MGME1: variants seen among roughly 807,000 people sequenced by gnomAD.
MGME1 encodes chromosome 20 open reading frame 72.
A neutral mutation model predicts 33.0 loss-of-function variants in MGME1; 22 were observed. The observed-to-expected ratio is 0.67, with a 90% CI of 0.48 to 0.95. The LOEUF is 0.95. Ranked by LOEUF, MGME1 falls within the 40% of genes least tolerant of loss-of-function variation. MGME1 has a pLI of 0.00. For missense variants in MGME1, 383 were observed against 397.8 expected, an observed-to-expected ratio of 0.96 and a Z score of 0.32; for synonymous variants, 133 against 144.0, an observed-to-expected ratio of 0.92 and a Z score of 0.55.
upstream of MGME1, chr20:17,968,797 C>G (rs974979019): frequency 7.4e-6 from 2 of 271,234 alleles, no homozygotes; most frequent in African/African-American, 2.2e-5. Context: ...AGAGAAAGAC[C>G]GCGTTTCGGT....
Position 17,975,824 on chromosome 20 carries a change from G to A in MGME1, c.652G>A (p.Gly218Arg), listed in dbSNP as rs1480258517. ...SVQHILKDVSGVRALESAVQH... is the reference protein window; with the variant it reads ...SVQHILKDVSRVRALESAVQH... ...CCAGCATATTCTGAAAGATGTCAGTGGAGTGCGAGCTCTTGAAAGTGCTGT... is the reference window on the plus strand; with the variant it reads ...CCAGCATATTCTGAAAGATGTCAGTAGAGTGCGAGCTCTTGAAAGTGCTGT... The change falls in exon 3 of 5, where the codon GGA becomes AGA. Residue 218 changes from glycine to arginine, a missense_variant. By Grantham distance (125) the Gly-to-Arg change is moderately radical. Transcript: ENST00000377710. 2 of 1,614,038 alleles carry A rather than the reference G, an allele frequency of 1.2e-6. No homozygotes were observed. Among genetic ancestry groups the A allele is most frequent in the Non-Finnish European group, 1.7e-6 (2 of 1,180,016 alleles).
At position 17,970,024 on chromosome 20, in the gene MGME1, A is replaced by C. The variant is rs536457611; in HGVS notation, c.165A>C (p.Leu55Phe). 15 of 1,614,068 alleles carry C rather than the reference A, an allele frequency of 9.3e-6. No individual in the cohort carries two copies. In the Admixed American group the frequency reaches 2.3e-4, roughly 25 times the overall value. Residue 55 changes from leucine (L) to phenylalanine (F), a missense_variant, in exon 2 of 5, where the codon TTA becomes TTC. By Grantham distance (22) the Leu-to-Phe change is conservative. Coordinates refer to ENST00000377710, the MANE Select transcript of MGME1 (RefSeq NM_052865.4). ...EEVDQEKYSN[L>F]VQSVLSSRGV... ...TGGACCAAGAAAAATACTCTAATTT[A>C]GTTCAGTCTGTCTTGTCATCCAGAG... is the stretch of plus-strand genomic sequence containing the variant.
At chr20:17,968,944 C>G (rs1205621454), upstream of MGME1, 1 of 156,110 alleles carries the variant, frequency 6.4e-6, no homozygotes, top group African/African-American at 2.4e-5. Context: ...CGGAGAGGTA[C>G]TCCCTGCCTC....
At position 17,970,233 on chromosome 20, in the gene MGME1, T is replaced by C; in HGVS notation, c.374T>C (p.Leu125Ser). The change falls in exon 2 of 5, where the codon TTG (leucine) becomes TCG (serine). Residue 125 changes from leucine to serine, a missense_variant. By Grantham distance (145) the Leu-to-Ser change is moderately radical (BLOSUM62 -2). Coordinates refer to ENST00000377710, the MANE Select transcript of MGME1 (RefSeq NM_052865.4). ...CCTTCAGTTCCTTTGAAAATCCCCT[T>C]GCAAAGGAATGTGATACCAAGTGTG... is the stretch of plus-strand genomic sequence containing the variant. ...SDPSVPLKIPLQRNVIPSVTR... is the reference protein window; with the variant it reads ...SDPSVPLKIPSQRNVIPSVTR... 1 of 1,614,178 alleles carries C rather than the reference T, an allele frequency of 6.2e-7. No individual in the cohort carries two copies. Among genetic ancestry groups the C allele is most frequent in the Non-Finnish European group, 8.5e-7 (1 of 1,180,038 alleles).
chr20:17,981,737 TCA>T (rs1362951600), intron 3 of MGME1, among the ~76,000 whole-genome samples: 2 of 151,680 alleles, frequency 1.3e-5, no homozygotes, highest in Non-Finnish European at 2.9e-5. Flanking sequence ...CAATCTGGAC[TCA>T]CTATAACCTC....
Position 17,990,010 on chromosome 20 carries a change from G to C in MGME1, c.936G>C (p.Glu312Asp), listed in dbSNP as rs2036254206. ...SPAHPHFMDAELCSQYWTKWL... is the reference protein window; with the variant it reads ...SPAHPHFMDADLCSQYWTKWL... ...CCCACCCACATTTCATGGATGCAGA[G>C]CTCTGTTCCCAGTACTGGACCAAGT... is the stretch of plus-strand genomic sequence containing the variant. Residue 312 changes from glutamate (E) to aspartate (D), a missense_variant, in exon 5 of 5, where the codon GAG becomes GAC. By Grantham distance (45) the Glu-to-Asp change is conservative. Transcript: ENST00000377710. The C allele has an allele frequency of 1.2e-6, 2 of 1,613,998 alleles. No homozygotes were observed. Among genetic ancestry groups the C allele is most frequent in the Non-Finnish European group, 1.7e-6 (2 of 1,180,008 alleles).
At position 17,987,128 on chromosome 20, in the gene MGME1, C is replaced by T. The variant is rs376691149; in HGVS notation, c.732-1038C>T. 2.3e-4 allele frequency among the ~76,000 whole-genome samples: 34 copies of T among 148,384 alleles called. No individual in the cohort carries two copies. In the South Asian group the frequency reaches 5.1e-3, roughly 22 times the overall value. On this transcript the variant is annotated intron_variant, in intron 3 of 4. Transcript: ENST00000377710. ...CCAGGAGGCGGAGGTTGTGGTAAGC[C>T]GAGATTACACCACTGCACTCCAGCC...
Position 17,990,076 on chromosome 20 carries a change from CCAGAATATTCAGAAACCAGAATATT to C in MGME1, c.1010_1034del (p.Ile337ArgfsTer34). 2.5e-6 allele frequency: 4 copies of C among 1,613,908 alleles called. No individual in the cohort carries two copies. The highest frequency in any genetic ancestry group is 1.7e-6 in the Non-Finnish European group (2 of 1,179,924). On this transcript the variant is annotated frameshift_variant, in exon 5 of 5. Transcript: ENST00000377710. LOFTEE classifies it high-confidence loss of function. ...AAGAATATACGGAAAAGAAAAAGAA[CCAGAATATTCAGAAACCAGAATATT>C]CAGAATAGGGAGCAAGTTGCTATTT...
intron 1 of MGME1, 34 bp downstream of exon 1, chr20:17,969,175 T>C (rs2035641179): frequency 6.6e-6 from 1 of 152,272 alleles, no homozygotes; most frequent in African/African-American, 2.4e-5. Context: ...GGCTTTTATT[T>C]AAGTCGTCTT....
intron 2 of MGME1, among the ~76,000 whole-genome samples, chr20:17,970,586 A>G (rs1231839705): frequency 6.6e-6 from 1 of 152,252 alleles, no homozygotes; most frequent in African/African-American, 2.4e-5. Flanking sequence ...CACATTTTAC[A>G]GATGAAACTA....
intron 3 of MGME1, among the ~76,000 whole-genome samples, chr20:17,976,546 T>A (rs2035872875): frequency 6.6e-6 from 1 of 152,254 alleles, no homozygotes; most frequent in Non-Finnish European, 1.5e-5. Flanking sequence ...TTTCTAAAGA[T>A]AGCACCATGA....
chr20:17,968,636 G>A (rs1306490953), upstream of MGME1: 4 of 618,376 alleles, frequency 6.5e-6, no homozygotes, highest in South Asian at 1.6e-5. Flanking sequence ...CTCCCCCAGA[G>A]CAGCCTCCCA....
At chr20:17,984,761 C>T (rs1223087251) in intron 3 of MGME1, among the ~76,000 whole-genome samples, 1 of 152,052 alleles carries the variant, frequency 6.6e-6, no homozygotes, top group Non-Finnish European at 1.5e-5. Flanking sequence ...GAGGCCGGGG[C>T]ATGGTGGCTC....
chr20:17,988,335 A>G (rs2036206491), intron 4 of MGME1, 37 bp downstream of exon 4: 8 of 1,600,822 alleles, frequency 5.0e-6, no homozygotes, highest in South Asian at 1.1e-5. Context: ...GCTTTGCTCA[A>G]TGCTTACTTA....
At chr20:17,983,375 A>C (rs761303849) in intron 3 of MGME1, among the ~76,000 whole-genome samples, 6 of 151,930 alleles carry the variant, frequency 3.9e-5, no homozygotes, top group Non-Finnish European at 8.8e-5. Flanking sequence ...CTTTGTAAAT[A>C]ATGCTTCAGT....
intron 2 of MGME1, among the ~76,000 whole-genome samples, chr20:17,972,217 T>A (rs13036319): frequency 0.022 from 3,309 of 152,220 alleles, 56 homozygotes; most frequent in Non-Finnish European, 0.036. Flanking sequence ...TTTTAAAAAT[T>A]AAGAAGATTT....
At position 17,975,953 on chromosome 20, in the gene MGME1, C is replaced by T. The variant is rs757616957; in HGVS notation, c.731+50C>T. On this transcript the variant is annotated intron_variant, in intron 3 of 4. Transcript: ENST00000377710. The stretch of plus-strand genomic sequence containing the variant: ...TAATACAGCGTAGGACAGATGGTGC[C>T]TGTCAAAGGTGTGCCTGTAGGTACT... 1.1e-5 allele frequency: 15 copies of T among 1,426,224 alleles called. No homozygotes were observed. The African/African-American group carries it at 1.8e-4, about 17-fold the overall frequency. The allele number at this position is 1,426,224 out of a possible 1,614,324, so 88.3% of individuals were successfully genotyped here. A position where few individuals can be genotyped will look rare whatever the true frequency, so the allele number is the denominator to read the frequency against.
intron 2 of MGME1, 91 bp from the exon 3 acceptor site, chr20:17,975,593 G>T (rs2035843832): frequency 1.3e-5 from 11 of 843,084 alleles, no homozygotes; most frequent in Non-Finnish European, 1.9e-5. Context: ...ATTTTTAATT[G>T]TATTGTTTCA....
At chr20:17,974,013 T>C (rs1161123245) in intron 2 of MGME1, among the ~76,000 whole-genome samples, 1 of 150,336 alleles carries the variant, frequency 6.7e-6, no homozygotes, top group Admixed American at 6.6e-5. Flanking sequence ...CTCCTCTTAC[T>C]AAGAAACAAG....
Sources: allele counts gnomAD v4.1 joint callset (sites outside exome capture counted in the v4.1 genomes callset), GRCh38; gene constraint gnomAD v4.1.1; transcripts MANE v1.5; gene names NCBI Gene and HGNC (gene_info 2026-07-23, HGNC 2026-07-21).